The following TRABD2B variants were observed in gnomAD, a reference collection of about 807,000 sequenced individuals.
The protein encoded by TRABD2B is TraB domain containing 2B.
In TRABD2B, 14 loss-of-function variants were observed where a neutral mutation model predicts 40.1. The observed-to-expected ratio is 0.35, with a 90% CI of 0.23 to 0.55. The LOEUF (loss-of-function observed/expected upper bound fraction) is 0.55, where lower values mean the gene tolerates loss of function less well. Ranked by LOEUF, TRABD2B falls within the 20% of genes least tolerant of loss-of-function variation. The pLI is 0.90. For synonymous variants in TRABD2B, 263 were observed against 277.0 expected (o/e 0.95, Z 0.50); for missense variants, 541 against 648.6 (o/e 0.83, Z 1.80).
chr1:47,977,812 TATC>T (rs1645780298), intron 2 of TRABD2B, among the ~76,000 whole-genome samples: 4 of 151,692 alleles, frequency 2.6e-5, no homozygotes, highest in Admixed American at 2.6e-4. Flanking sequence ...AGAACAGAAG[TATC>T]ATCACAGGAA....
rs1243258211 is a variant in TRABD2B at position 47,846,602 on chromosome 1, C to T, written c.667-44983G>A. On this transcript the variant is annotated intron_variant, in intron 2 of 6. Coordinates refer to ENST00000606738, the MANE Select transcript of TRABD2B (RefSeq NM_001194986.2). The stretch of plus-strand genomic sequence containing the variant: ...GAGTGAGGTACATGAAACATAGAGG[C>T]CAGGTCTCAGGGAAGGCAAGGCATC... 2.6e-5 allele frequency among the ~76,000 whole-genome samples: 4 copies of T among 152,158 alleles called. No individual in the cohort carries two copies. In the East Asian group the frequency reaches 7.7e-4, roughly 29 times the overall value.
chr1:47,916,570 T>C (rs1246140004), intron 2 of TRABD2B, among the ~76,000 whole-genome samples: 3 of 152,148 alleles, frequency 2.0e-5, no homozygotes, highest in Non-Finnish European at 4.4e-5. Flanking sequence ...CAAGTACAGG[T>C]GGAGGAAAGT....
chr1:47,991,003 A>G (rs1646003339), intron 2 of TRABD2B, among the ~76,000 whole-genome samples: 1 of 151,324 alleles, frequency 6.6e-6, no homozygotes, highest in South Asian at 2.1e-4. Context: ...AAATTTTCCA[A>G]GAAAGACAAT....
chr1:47,989,749 AACAC>A (rs141660023), intron 2 of TRABD2B, among the ~76,000 whole-genome samples: 59 of 149,110 alleles, frequency 4.0e-4, no homozygotes, highest in Non-Finnish European at 3.4e-4. Context: ...CCACCATTCC[AACAC>A]ACACACACAC....
chr1:47,818,542 A>G (rs1282386585), intron 2 of TRABD2B: 2 of 152,220 alleles, frequency 1.3e-5, no homozygotes, highest in Admixed American at 6.5e-5. Context: ...GGTATTACAC[A>G]TGACTTTCCT....
chr1:47,852,598 A>G (rs938111743), intron 2 of TRABD2B, among the ~76,000 whole-genome samples: 3 of 152,174 alleles, frequency 2.0e-5, no homozygotes, highest in African/African-American at 7.2e-5. Context: ...CAGGACCAGC[A>G]GACTCTCAAA....
At chr1:47,904,384 AGAC>A (rs1301781151) in intron 2 of TRABD2B, among the ~76,000 whole-genome samples, 2 of 152,090 alleles carry the variant, frequency 1.3e-5, no homozygotes, top group African/African-American at 4.8e-5. Context: ...CAGTAGGTGA[AGAC>A]ATTTATATGA....
intron 2 of TRABD2B, among the ~76,000 whole-genome samples, chr1:47,828,227 C>A (rs1645202143): frequency 6.6e-6 from 1 of 152,154 alleles, no homozygotes; most frequent in Non-Finnish European, 1.5e-5. Flanking sequence ...TGTGGTCCCA[C>A]CCCCATGGGC....
At chr1:47,776,694 G>C (rs1422047177) in intron 5 of TRABD2B, among the ~76,000 whole-genome samples, 1 of 152,188 alleles carries the variant, frequency 6.6e-6, no homozygotes, top group Non-Finnish European at 1.5e-5. Flanking sequence ...TTGTGGCTGA[G>C]TGGGCAGCTT....
chr1:47,948,602 A>G (rs941545721), intron 2 of TRABD2B, among the ~76,000 whole-genome samples: 31 of 152,190 alleles, frequency 2.0e-4, no homozygotes. Flanking sequence ...CAAGAGAATG[A>G]GGGAGAGGAA....
At chr1:47,789,200 G>A (rs1165160383) in intron 4 of TRABD2B, among the ~76,000 whole-genome samples, 2 of 152,124 alleles carry the variant, frequency 1.3e-5, no homozygotes, top group Non-Finnish European at 2.9e-5. Flanking sequence ...TGAGCAGTGG[G>A]TGCTAGGATA....
intron 2 of TRABD2B, among the ~76,000 whole-genome samples, chr1:47,867,722 T>A (rs1644080489): frequency 6.6e-6 from 1 of 152,008 alleles, no homozygotes; most frequent in African/African-American, 2.4e-5. Context: ...GAAAAAAAAA[T>A]GATGCACTCA....
intron 2 of TRABD2B, among the ~76,000 whole-genome samples, chr1:47,868,974 G>T (rs748336214): frequency 6.6e-5 from 10 of 152,268 alleles, no homozygotes; most frequent in Middle Eastern, 6.8e-3. Flanking sequence ...CTCTGCCCAT[G>T]AGCATCACGC....
At chr1:47,936,377 G>A (rs1201696166) in intron 2 of TRABD2B, among the ~76,000 whole-genome samples, 1 of 152,172 alleles carries the variant, frequency 6.6e-6, no homozygotes, top group Admixed American at 6.5e-5. Context: ...CTCACAGGGT[G>A]CTGGAGCAGA....
chr1:47,879,286 T>C (rs1644267745), intron 2 of TRABD2B, among the ~76,000 whole-genome samples: 1 of 152,220 alleles, frequency 6.6e-6, no homozygotes, highest in African/African-American at 2.4e-5. Flanking sequence ...AGTCCACATA[T>C]GCAACAGTGA....
At chr1:47,810,561 G>A (rs980917886) in intron 2 of TRABD2B, among the ~76,000 whole-genome samples, 8 of 152,238 alleles carry the variant, frequency 5.3e-5, no homozygotes, top group African/African-American at 1.4e-4. Context: ...AAGGGGGAGT[G>A]AGGCGACGGA....
chr1:47,886,111 A>T (rs1004611896), intron 2 of TRABD2B, among the ~76,000 whole-genome samples: 4 of 152,172 alleles, frequency 2.6e-5, no homozygotes, highest in African/African-American at 9.7e-5. Flanking sequence ...ATTCATCCTC[A>T]GGTACAAACT....
chr1:47,920,693 T>C (rs1360890966), intron 2 of TRABD2B, among the ~76,000 whole-genome samples: 2 of 152,248 alleles, frequency 1.3e-5, no homozygotes, highest in East Asian at 3.8e-4. Flanking sequence ...CTGTCCCCTA[T>C]CCTGAGCTGT....
intron 3 of TRABD2B, chr1:47,795,742 C>T: frequency 2.0e-6 from 2 of 980,528 alleles, no homozygotes; most frequent in Non-Finnish European, 2.4e-6. Context: ...CCACCATCTG[C>T]TGCCACCACC....
Sources: allele counts gnomAD v4.1 joint callset (sites outside exome capture counted in the v4.1 genomes callset), GRCh38; gene constraint gnomAD v4.1.1; transcripts MANE v1.5; gene names NCBI Gene and HGNC (gene_info 2026-07-23, HGNC 2026-07-21).